The following AFG2A variants were observed in gnomAD, a reference collection of about 807,000 sequenced individuals.
AFG2A encodes the protein AAA ATPase AFG2A, also known as ATPase family gene 2 protein homolog A.
chr4:123,174,352 A>G, the AFG2A span, among the ~76,000 whole-genome samples: 2 of 152,232 alleles, frequency 1.3e-5, no homozygotes, highest in African/African-American at 2.4e-5. Flanking sequence ...GAGCTATAAC[A>G]TGTCTATTGG....
chr4:122,959,279 A>C, the AFG2A span, among the ~76,000 whole-genome samples: 2,303 of 152,344 alleles, frequency 0.015, 25 homozygotes, highest in Non-Finnish European at 0.025. Context: ...TTGTGATAGT[A>C]ATGTGCTCTT....
At chr4:123,208,816 A>G in the AFG2A span, among the ~76,000 whole-genome samples, 6 of 152,218 alleles carry the variant, frequency 3.9e-5, no homozygotes, top group Non-Finnish European at 7.3e-5. Flanking sequence ...ATAATATAGT[A>G]AAATATATAT....
At chr4:122,986,624 G>T in the AFG2A span, among the ~76,000 whole-genome samples, 1 of 152,066 alleles carries the variant, frequency 6.6e-6, no homozygotes, top group African/African-American at 2.4e-5. Context: ...AGGGATAAAA[G>T]ACTACAAATA....
At chr4:122,950,078 G>A in the AFG2A span, among the ~76,000 whole-genome samples, 5 of 152,322 alleles carry the variant, frequency 3.3e-5, no homozygotes, top group East Asian at 3.9e-4. Context: ...CCTGATGGTC[G>A]TATCACATCC....
At chr4:123,004,041 G>C in the AFG2A span, among the ~76,000 whole-genome samples, 1 of 152,132 alleles carries the variant, frequency 6.6e-6, no homozygotes, top group African/African-American at 2.4e-5. Flanking sequence ...CCTCGCTGCC[G>C]CCTTGCAGTT....
chr4:122,973,728 A>G, the AFG2A span, among the ~76,000 whole-genome samples: 5 of 152,168 alleles, frequency 3.3e-5, no homozygotes, highest in African/African-American at 1.2e-4. Flanking sequence ...CTGTCACCCA[A>G]GTTTAGTGAC....
At chr4:123,007,594 G>GT in the AFG2A span, among the ~76,000 whole-genome samples, 28 of 23,722 alleles carry the variant, frequency 1.2e-3, no homozygotes, top group African/African-American at 5.2e-3. Flanking sequence ...GTGTGTGTGT[G>GT]TGTGTGTGTG....
chr4:123,132,392 G>A, the AFG2A span, among the ~76,000 whole-genome samples: 1 of 151,904 alleles, frequency 6.6e-6, no homozygotes, highest in African/African-American at 2.4e-5. Context: ...TTGTCCTTCT[G>A]TGTTTGGCTT....
chr4:123,015,725 T>A, the AFG2A span, among the ~76,000 whole-genome samples: 1 of 150,864 alleles, frequency 6.6e-6, no homozygotes, highest in Non-Finnish European at 1.5e-5. Context: ...GGGTGGTGGC[T>A]GGGCAGAGGG....
At chr4:123,198,645 AGGATTG>A in the AFG2A span, among the ~76,000 whole-genome samples, 1 of 152,206 alleles carries the variant, frequency 6.6e-6, no homozygotes, top group Non-Finnish European at 1.5e-5. Context: ...TTCCTGCCTT[AGGATTG>A]GGTCCTTTAA....
chr4:123,018,210 A>C, the AFG2A span, among the ~76,000 whole-genome samples: 1 of 152,246 alleles, frequency 6.6e-6, no homozygotes, highest in African/African-American at 2.4e-5. Flanking sequence ...TGCTTGTTTG[A>C]CAGCTGTTCT....
At chr4:123,138,373 C>CTTACTCCTT in the AFG2A span, among the ~76,000 whole-genome samples, 44 of 152,044 alleles carry the variant, frequency 2.9e-4, no homozygotes, top group African/African-American at 1.0e-3. Context: ...TGACAAACCT[C>CTTACTCCTT]TAAGTATGTA....
At chr4:123,270,022 G>A in the AFG2A span, among the ~76,000 whole-genome samples, 27 of 152,216 alleles carry the variant, frequency 1.8e-4, no homozygotes, top group South Asian at 5.4e-3. Context: ...TCACCATGTT[G>A]GCCAGGGTGG....
chr4:122,933,645 G>C, the AFG2A span: 1 of 648,760 alleles, frequency 1.5e-6, no homozygotes, highest in Non-Finnish European at 2.6e-6. Flanking sequence ...ATACTTTTAA[G>C]ATAGGGATGT....
chr4:123,006,192 C>G, the AFG2A span, among the ~76,000 whole-genome samples: 8 of 151,758 alleles, frequency 5.3e-5, no homozygotes, highest in Admixed American at 4.6e-4. Context: ...TGACATTCCT[C>G]CCTCCTTGTG....
the AFG2A span, among the ~76,000 whole-genome samples, chr4:123,006,514 C>T: frequency 6.6e-6 from 1 of 152,106 alleles, no homozygotes; most frequent in Non-Finnish European, 1.5e-5. Context: ...AAATTACACA[C>T]ATATATATGG....
the AFG2A span, among the ~76,000 whole-genome samples, chr4:123,130,568 C>T: frequency 2.6e-5 from 4 of 152,062 alleles, no homozygotes; most frequent in East Asian, 1.9e-4. Flanking sequence ...TTTCGAGATT[C>T]GTCTGTGTTA....
chr4:123,125,157 G>C, the AFG2A span, among the ~76,000 whole-genome samples: 2 of 152,078 alleles, frequency 1.3e-5, no homozygotes, highest in African/African-American at 4.8e-5. Flanking sequence ...TTCTAGACAC[G>C]TACAGAAAAA....
At chr4:123,047,806 A>C in the AFG2A span, among the ~76,000 whole-genome samples, 1 of 151,898 alleles carries the variant, frequency 6.6e-6, no homozygotes, top group South Asian at 2.1e-4. Flanking sequence ...GGGTTCAAGC[A>C]ATCTTCCTTT....
Sources: gnomAD v4.1 joint callset for allele counts (sites outside exome capture counted in the v4.1 genomes callset) on GRCh38, gnomAD v4.1.1 for gene constraint, MANE v1.5 for transcripts, NCBI Gene and HGNC (gene_info 2026-07-23, HGNC 2026-07-21) for gene names.